Variants in MACF1 observed in about 807,000 individuals in gnomAD.
MACF1 encodes microtubule actin crosslinking factor 1.
A neutral mutation model predicts 854.8 loss-of-function variants in MACF1; 193 were observed. The ratio of observed to expected loss-of-function variants is 0.23; its 90% CI spans 0.20 to 0.25. The LOEUF (loss-of-function observed/expected upper bound fraction) is 0.25. Among genes scored for constraint, MACF1 ranks in the 10% least tolerant of loss-of-function variants. The probability of loss-of-function intolerance (pLI) is 1.00; values close to 1 mark genes in which losing one functional copy is unlikely to be tolerated. For missense variants in MACF1, 7,722 were observed against 8,929.1 expected (o/e 0.86, Z 5.45); for synonymous variants, 3,185 against 3,226.7 (o/e 0.99, Z 0.44).
chr1:39,186,212 CTCTGTGTGTGTGTGTGTGTG>C lies in MACF1; in HGVS notation c.221-44968_221-44949del, dbSNP rs1394938117. ...TCTCTCTCTCTCTCTCTCTCTCTCT[CTCTGTGTGTGTGTGTGTGTG>C]TGTGTGTGTGTGTGTTTTGGTGGGG... On this transcript the variant is annotated intron_variant, in intron 2 of 93. Transcript: ENST00000361689. Among the ~76,000 whole-genome samples the C allele has an allele frequency of 1.7e-4, 14 of 80,084 alleles. No homozygotes were observed. In the East Asian group the frequency reaches 3.0e-3, roughly 17 times the overall value. The allele number at this position is 80,084 out of a possible 152,430, so 52.5% of individuals were successfully genotyped here. A position where few individuals can be genotyped will look rare whatever the true frequency, so the allele number is the denominator to read the frequency against.
chr1:39,394,228 A>G (rs41373150), intron 58 of MACF1, among the ~76,000 whole-genome samples: 3,681 of 149,974 alleles, frequency 0.025, 116 homozygotes, highest in East Asian at 0.17. Flanking sequence ...AAAGTCTTGT[A>G]AACGCCTTCA....
At chr1:39,183,522 C>T (rs1056596208) in intron 2 of MACF1, among the ~76,000 whole-genome samples, 10 of 152,010 alleles carry the variant, frequency 6.6e-5, no homozygotes, top group Admixed American at 5.9e-4. Context: ...TTACTGTTGC[C>T]CCAAATCTTC....
chr1:39,417,072 A>G (rs1428313425), intron 58 of MACF1, among the ~76,000 whole-genome samples: 4 of 152,220 alleles, frequency 2.6e-5, no homozygotes, highest in African/African-American at 7.2e-5. Flanking sequence ...ATTTTTATAT[A>G]TAAATACTTA....
At chr1:39,286,613 TG>T (rs1645649496) in intron 14 of MACF1, among the ~76,000 whole-genome samples, 1 of 150,840 alleles carries the variant, frequency 6.6e-6, no homozygotes. Context: ...AGTACAGGAG[TG>T]CACCACCATG....
At position 39,454,902 on chromosome 1, in the gene MACF1, T is replaced by C. The variant is rs755515367; in HGVS notation, c.20887-7T>C. 1 of 1,605,588 alleles carries C rather than the reference T, an allele frequency of 6.2e-7. No homozygotes were observed. Among genetic ancestry groups the C allele is most frequent in the African/African-American group, 1.3e-5 (1 of 74,538 alleles). ...AAAGAGGCCATGGTTTCCTTCTTTTTCCACAGGTCCTGACATGGGCTAAGC... is the reference window on the plus strand; with the variant it reads ...AAAGAGGCCATGGTTTCCTTCTTTTCCCACAGGTCCTGACATGGGCTAAGC... On this transcript the variant is annotated splice_region_variant and splice_polypyrimidine_tract_variant and intron_variant, in intron 88 of 100. Transcript: ENST00000564288.
At chr1:39,410,674 A>T in intron 58 of MACF1, 1 of 1,613,852 alleles carries the variant, frequency 6.2e-7, no homozygotes, top group Non-Finnish European at 8.5e-7. Context: ...GAAGTCCTTC[A>T]TGCCACCCAA....
At chr1:39,415,436 C>T (rs1253253994) in intron 58 of MACF1, among the ~76,000 whole-genome samples, 3 of 150,456 alleles carry the variant, frequency 2.0e-5, no homozygotes, top group Non-Finnish European at 3.0e-5. Context: ...CCCGGGTTCA[C>T]GCCATTCTCC....
At chr1:39,284,285 G>A (rs1479513585) in intron 10 of MACF1, 48 bp from the exon 11 acceptor site, 2 of 1,559,098 alleles carry the variant, frequency 1.3e-6, no homozygotes, top group Non-Finnish European at 1.7e-6. Context: ...ATGAAAAATT[G>A]GGTCCTATAG....
At chr1:39,436,427 G>A (rs375294606) in intron 70 of MACF1, 3 of 1,606,740 alleles carry the variant, frequency 1.9e-6, no homozygotes, top group Admixed American at 1.7e-5. Flanking sequence ...GCCTGCTCCT[G>A]TCTTCCCCAC....
chr1:39,172,958 T>G (rs1643971831), intron 2 of MACF1, among the ~76,000 whole-genome samples: 1 of 152,226 alleles, frequency 6.6e-6, no homozygotes, highest in African/African-American at 2.4e-5. Context: ...AACAGAATAC[T>G]TTTAATTTCT....
chr1:39,188,651 C>T (rs1468409931), intron 2 of MACF1, among the ~76,000 whole-genome samples: 3 of 152,328 alleles, frequency 2.0e-5, no homozygotes, highest in Middle Eastern at 3.4e-3. Flanking sequence ...TTGATTGAGA[C>T]GGAGTCTCAC....
At chr1:39,416,442 C>G (rs1156487371) in intron 58 of MACF1, among the ~76,000 whole-genome samples, 1 of 148,760 alleles carries the variant, frequency 6.7e-6, no homozygotes, top group East Asian at 2.0e-4. Context: ...GCCAGGAGTT[C>G]GAGAACAGCC....
Position 39,334,244 on chromosome 1 carries a change from G to A in MACF1, c.7656G>A (p.Lys2552=). 6.2e-7 allele frequency: 1 copy of A among 1,613,958 alleles called. No homozygotes were observed. The highest frequency in any genetic ancestry group is 8.5e-7 in the Non-Finnish European group (1 of 1,179,954). The change falls in exon 37 of 101, where the codon AAG becomes AAA. Residue 2552 remains lysine (K), a synonymous_variant. Coordinates refer to ENST00000564288, the MANE Select transcript of MACF1 (RefSeq NM_001394062.1). ...ATCAGATTTTTAATCCTGAAACGAA[G>A]GAAAATATTTCCCTCCCTAAAGCCA... ...NIHQIFNPET[K]ENISLPKAIK... is the part of the protein sequence containing the mutation.
chr1:39,469,573 C>T lies in MACF1; in HGVS notation c.21916C>T (p.Arg7306Cys), dbSNP rs1644737711. The change falls in exon 97 of 101, where the codon CGC (arginine) becomes TGC (cysteine). Residue 7306 changes from arginine (R) to cysteine (C), a missense_variant. Arg to Cys is a radical substitution (Grantham distance 180). Around this residue, in one of 15 missense-constraint regions of MACF1, gnomAD observed 153 missense variants for 342.5 expected, o/e 0.45. Transcript: ENST00000564288. ...RVHHPGSKIKRSDSSSSISSQ... is the reference protein window; with the variant it reads ...RVHHPGSKIKCSDSSSSISSQ... Reference sequence around the variant, plus strand: ...TCACCATCCTGGGAGTAAAATAAAGCGCTCTGATTCCAGCTCTTCGATTTC... The same window carrying T: ...TCACCATCCTGGGAGTAAAATAAAGTGCTCTGATTCCAGCTCTTCGATTTC... 8 of 1,550,454 alleles carry T rather than the reference C, an allele frequency of 5.2e-6. No individual in the cohort carries two copies. The highest frequency in any genetic ancestry group is 2.4e-5 in the East Asian group (1 of 40,928).
intron 49 of MACF1, 118 bp from the exon 50 acceptor site, chr1:39,368,030 C>G: frequency 3.3e-6 from 2 of 614,244 alleles, no homozygotes; most frequent in Non-Finnish European, 2.6e-6. Context: ...CACTGAGTTG[C>G]ATATTTATTG....
chr1:39,477,658 G>A (rs766799627), intron 97 of MACF1, among the ~76,000 whole-genome samples: 8 of 152,120 alleles, frequency 5.3e-5, no homozygotes, highest in Non-Finnish European at 1.2e-4. Flanking sequence ...GGTGGTGATG[G>A]AGAGAGCTAG....
chr1:39,422,600 T>TA, intron 59 of MACF1, 65 bp downstream of exon 59: 4 of 1,551,466 alleles, frequency 2.6e-6, no homozygotes, highest in Non-Finnish European at 3.5e-6. Context: ...CATCTGAATC[T>TA]AAGGTTTCCC....
chr1:39,139,379 C>T (rs1643269938), intron 2 of MACF1, among the ~76,000 whole-genome samples: 2 of 151,424 alleles, frequency 1.3e-5, no homozygotes, highest in African/African-American at 2.4e-5. Context: ...GCCTCAGCAT[C>T]CCAAGTAACT....
intron 6 of MACF1, among the ~76,000 whole-genome samples, chr1:39,279,451 GA>G (rs1645501508): frequency 6.6e-6 from 1 of 150,552 alleles, no homozygotes. Context: ...CATCTATTAT[GA>G]GTTTGTAAAT....
Sources: gnomAD v4.1 joint callset for allele counts (sites outside exome capture counted in the v4.1 genomes callset) on GRCh38, gnomAD v4.1.1 for gene constraint, gnomAD v4.1.1 regional missense constraint, MANE v1.5 for transcripts, NCBI Gene and HGNC (gene_info 2026-07-23, HGNC 2026-07-21) for gene names.